Variants in PAN3 observed in about 807,000 individuals in gnomAD.
The protein encoded by PAN3 is poly(A) specific ribonuclease subunit PAN3.
A neutral mutation model predicts 96.2 loss-of-function variants in PAN3; 19 were observed. That is an observed-to-expected ratio of 0.20 (90% CI 0.14 to 0.29). The LOEUF is 0.29. PAN3 is among the 10% of genes least tolerant of loss of function. The pLI, the probability that PAN3 is intolerant of heterozygous loss-of-function variation, is 1.00. For missense variants in PAN3, 882 were observed against 1,108.1 expected, an observed-to-expected ratio of 0.80 and a Z score of 2.90; for synonymous variants, 433 against 406.6, an observed-to-expected ratio of 1.06 and a Z score of -0.78.
chr13:28,204,640 A>G (rs1466869706), intron 5 of PAN3, among the ~76,000 whole-genome samples: 2 of 152,226 alleles, frequency 1.3e-5, no homozygotes. Flanking sequence ...TTTGAAAAAT[A>G]AATGCTTTTT....
chr13:28,259,774 G>A (rs977016879), intron 7 of PAN3, among the ~76,000 whole-genome samples: 43 of 151,918 alleles, frequency 2.8e-4, no homozygotes, highest in Non-Finnish European at 2.4e-4. Flanking sequence ...GAGTAGCTGG[G>A]ATTACAGGCT....
intron 4 of PAN3, among the ~76,000 whole-genome samples, chr13:28,193,676 G>A (rs1297036126): frequency 7.0e-6 from 1 of 143,400 alleles, no homozygotes; most frequent in Admixed American, 7.3e-5. Flanking sequence ...CTGGGAGGCA[G>A]AGATTGCAGT....
intron 18 of PAN3, among the ~76,000 whole-genome samples, chr13:28,289,769 C>G (rs1869499147): frequency 6.6e-6 from 1 of 152,164 alleles, no homozygotes; most frequent in African/African-American, 2.4e-5. Context: ...GTAGTCCCAG[C>G]TACTCGGGAG....
intron 6 of PAN3, among the ~76,000 whole-genome samples, chr13:28,254,448 A>G (rs902505504): frequency 2.6e-5 from 4 of 152,160 alleles, no homozygotes; most frequent in African/African-American, 7.2e-5. Context: ...ATAGTAAACA[A>G]ATTTACTCAT....
intron 6 of PAN3, among the ~76,000 whole-genome samples, chr13:28,250,799 C>T (rs1054701771): frequency 2.0e-5 from 3 of 152,224 alleles, no homozygotes; most frequent in Middle Eastern, 3.2e-3. Flanking sequence ...CTACCACATT[C>T]AGCCTCTGCT....
Position 28,281,271 on chromosome 13 carries a change from T to TA in PAN3, c.2320-43dup, listed in dbSNP as rs1350785082. 3.3e-6 allele frequency: 5 copies of TA among 1,531,676 alleles called. No individual in the cohort carries two copies. The South Asian group carries it at 4.5e-5, about 14-fold the overall frequency. The allele number at this position is 1,531,676 out of a possible 1,614,324, so 94.9% of individuals were successfully genotyped here. A position where few individuals can be genotyped will look rare whatever the true frequency, so the allele number is the denominator to read the frequency against. Reference sequence around the variant, plus strand: ...GTAAATTTTGGCTTTTATGTTCAGTTATCTGGAACATTAACATTTTTCTCT... The same window carrying TA: ...GTAAATTTTGGCTTTTATGTTCAGTTAATCTGGAACATTAACATTTTTCTCT... On this transcript the variant is annotated intron_variant, in intron 16 of 18. Transcript: ENST00000380958.
chr13:28,156,839 T>A (rs1257427427), intron 1 of PAN3, among the ~76,000 whole-genome samples: 5 of 151,490 alleles, frequency 3.3e-5, no homozygotes, highest in African/African-American at 4.8e-5. Context: ...CCAAAAAATT[T>A]AAAAAATTAG....
intron 6 of PAN3, among the ~76,000 whole-genome samples, chr13:28,249,356 T>G (rs181432167): frequency 6.6e-6 from 1 of 152,230 alleles, no homozygotes; most frequent in Non-Finnish European, 1.5e-5. Flanking sequence ...ATGTTTCTGT[T>G]TCACGTGGTC....
chr13:28,154,921 C>T (rs1230092842), intron 1 of PAN3, among the ~76,000 whole-genome samples: 3 of 150,228 alleles, frequency 2.0e-5, no homozygotes, highest in African/African-American at 7.4e-5. Flanking sequence ...CCCGGGTTCA[C>T]GCCATTCTCC....
intron 6 of PAN3, among the ~76,000 whole-genome samples, chr13:28,238,481 A>G (rs764790821): frequency 1.3e-5 from 2 of 152,252 alleles, no homozygotes; most frequent in Non-Finnish European, 2.9e-5. Context: ...ATGCATGGTC[A>G]CTACTATATT....
chr13:28,292,394 G>A lies in PAN3; in HGVS notation c.2536G>A (p.Val846Met). 1.2e-6 allele frequency: 2 copies of A among 1,605,226 alleles called. No individual in the cohort carries two copies. The highest frequency in any genetic ancestry group is 1.7e-6 in the Non-Finnish European group (2 of 1,176,174). The stretch of plus-strand genomic sequence containing the variant: ...TATATTGTTTCAGCTAGATGCTGGT[G>A]TGCCAGAAAAAATAAGCCTGATTTC... ...ISCLNKLDAG[V>M]PEKISLISRD... The change falls in exon 19 of 19, where the codon GTG becomes ATG. Residue 846 changes from valine to methionine, a missense_variant. This residue lies in a region of PAN3 where 76 missense variants were observed against 171.7 expected (regional missense o/e 0.44). Coordinates refer to ENST00000380958, the MANE Select transcript of PAN3 (RefSeq NM_175854.8).
chr13:28,238,881 C>G (rs1363499294), intron 6 of PAN3, among the ~76,000 whole-genome samples: 1 of 151,832 alleles, frequency 6.6e-6, no homozygotes, highest in African/African-American at 2.4e-5. Context: ...TATGGCATAT[C>G]TTGAAGCTCA....
In PAN3 at chr13:28,138,608, G is replaced by C; in HGVS notation, c.-50G>C. The stretch of plus-strand genomic sequence containing the variant: ...CTTTCCTCCCCCGTCTATGGTGGTG[G>C]CGGCGGCGGCTCCTCGGGCGGCGGC... On this transcript the variant is annotated 5_prime_UTR_variant, in exon 1 of 19. Transcript: ENST00000380958. 1 of 483,574 alleles carries C rather than the reference G, an allele frequency of 2.1e-6. No individual in the cohort carries two copies. 30.0% of individuals were successfully genotyped at this position (483,574 alleles called of 1,614,324 possible). A position where few individuals can be genotyped will look rare whatever the true frequency, so the allele number is the denominator to read the frequency against.
intron 1 of PAN3, among the ~76,000 whole-genome samples, chr13:28,165,498 C>CTAG (rs1873425570): frequency 6.6e-6 from 1 of 151,994 alleles, no homozygotes; most frequent in East Asian, 1.9e-4. Context: ...GTACCATTTA[C>CTAG]TAGTGTTGTG....
chr13:28,222,111 T>C (rs1232801169), intron 6 of PAN3, among the ~76,000 whole-genome samples: 1 of 152,178 alleles, frequency 6.6e-6, no homozygotes, highest in Non-Finnish European at 1.5e-5. Flanking sequence ...GAAACTAATT[T>C]AGACATGCCA....
chr13:28,214,249 G>T (rs912183762), intron 5 of PAN3, among the ~76,000 whole-genome samples: 1 of 152,176 alleles, frequency 6.6e-6, no homozygotes, highest in Non-Finnish European at 1.5e-5. Context: ...ACGTGTATTT[G>T]TGTACAAAGA....
At chr13:28,210,681 A>C (rs2138319339) in intron 5 of PAN3, among the ~76,000 whole-genome samples, 1 of 152,258 alleles carries the variant, frequency 6.6e-6, no homozygotes, top group East Asian at 1.9e-4. Context: ...ATATTTTGAT[A>C]ATACATTTTA....
intron 1 of PAN3, among the ~76,000 whole-genome samples, chr13:28,170,983 A>G (rs531215627): frequency 1.3e-5 from 2 of 151,898 alleles, no homozygotes; most frequent in East Asian, 1.9e-4. Flanking sequence ...TTTAGCAGAG[A>G]TGAGGTTTTT....
intron 7 of PAN3, among the ~76,000 whole-genome samples, chr13:28,257,715 TA>T (rs1566234932): frequency 1.4e-4 from 19 of 139,992 alleles, no homozygotes; most frequent in South Asian, 4.2e-4. Flanking sequence ...ATATTATATA[TA>T]ATTAATATAT....
Sources: allele counts gnomAD v4.1 joint callset (sites outside exome capture counted in the v4.1 genomes callset), GRCh38; gene constraint gnomAD v4.1.1; regional missense constraint gnomAD v4.1.1; transcripts MANE v1.5; gene names NCBI Gene and HGNC (gene_info 2026-07-23, HGNC 2026-07-21).